The following TMSB15B variants were observed in gnomAD, a reference collection of about 807,000 sequenced individuals.
TMSB15B encodes the protein thymosin beta 15B, also known as thymosin beta-15B.
intron 1 of TMSB15B, among the ~76,000 whole-genome samples, chrX:103,930,460 C>T (rs1556319741): frequency 9.0e-6 from 1 of 110,942 alleles, no homozygotes; most frequent in Non-Finnish European, 1.9e-5. Context: ...TTCTTCAATA[C>T]CTCCCACTAG....
intron 1 of TMSB15B, among the ~76,000 whole-genome samples, chrX:103,943,928 C>T (rs2075018757): frequency 8.9e-6 from 1 of 111,946 alleles, no homozygotes; most frequent in East Asian, 2.8e-4. Flanking sequence ...TACTTATCAA[C>T]CTTGATGTAA....
chrX:103,944,816 C>T (rs782054314), intron 1 of TMSB15B, among the ~76,000 whole-genome samples: 16 of 111,847 alleles, frequency 1.4e-4, no homozygotes, highest in Non-Finnish European at 2.3e-4. Context: ...TTTTTTGAGA[C>T]GGAGCCTCTC....
chrX:103,955,177 A>C (rs1310995536), intron 1 of TMSB15B, among the ~76,000 whole-genome samples: 2 of 111,662 alleles, frequency 1.8e-5, no homozygotes, highest in African/African-American at 3.3e-5. Context: ...AGTTGAAGGT[A>C]GGTAAGCCCA....
intron 1 of TMSB15B, among the ~76,000 whole-genome samples, chrX:103,922,965 G>A (rs1411364277): frequency 9.8e-5 from 11 of 112,469 alleles, no homozygotes; most frequent in Admixed American, 3.7e-4. Flanking sequence ...CAGTGATGAT[G>A]AGCATTTTTT....
At chrX:103,938,389 A>G (rs2075004343) in intron 1 of TMSB15B, among the ~76,000 whole-genome samples, 1 of 111,913 alleles carries the variant, frequency 8.9e-6, no homozygotes, top group African/African-American at 3.2e-5. Context: ...TTCTTGTTGC[A>G]TTGATCCCTT....
chrX:103,941,026 C>T (rs1344868473), intron 1 of TMSB15B, among the ~76,000 whole-genome samples: 1 of 111,188 alleles, frequency 9.0e-6, no homozygotes, highest in Non-Finnish European at 1.9e-5. Context: ...TCTGCTCGCC[C>T]TCCGTGGGCT....
chrX:103,920,125 A>G (rs62594675), intron 1 of TMSB15B, among the ~76,000 whole-genome samples: 15,114 of 111,724 alleles, frequency 0.14, 975 homozygotes, highest in Admixed American at 0.22. Flanking sequence ...TTATAAAAGC[A>G]ACATAATTTC....
intron 1 of TMSB15B, among the ~76,000 whole-genome samples, chrX:103,948,574 A>G (rs1187266095): frequency 1.8e-5 from 2 of 112,757 alleles, no homozygotes; most frequent in Non-Finnish European, 3.7e-5. Flanking sequence ...GAATATTCAT[A>G]TAACAGAATA....
chrX:103,936,942 T>A (rs1244126127), intron 1 of TMSB15B, among the ~76,000 whole-genome samples: 1 of 110,586 alleles, frequency 9.0e-6, no homozygotes, highest in East Asian at 2.8e-4. Flanking sequence ...TATGTGATGG[T>A]TCTGTTTATG....
intron 1 of TMSB15B, among the ~76,000 whole-genome samples, chrX:103,939,363 T>C (rs1285477512): frequency 9.1e-6 from 1 of 110,379 alleles, no homozygotes; most frequent in African/African-American, 3.3e-5. Flanking sequence ...CCTTTCATTC[T>C]TTTTTCTCTA....
chrX:103,946,688 G>A (rs193141388), intron 1 of TMSB15B, among the ~76,000 whole-genome samples: 29 of 111,294 alleles, frequency 2.6e-4, no homozygotes, highest in African/African-American at 9.4e-4. Context: ...TAATAAATGT[G>A]ATTGGACAGT....
intron 1 of TMSB15B, among the ~76,000 whole-genome samples, chrX:103,930,762 AT>A (rs2074982917): frequency 2.9e-4 from 31 of 106,948 alleles, no homozygotes; most frequent in African/African-American, 3.8e-4. Flanking sequence ...AATAATAATA[AT>A]AATAAATTAC....
At chrX:103,942,548 G>A (rs1438478960) in intron 1 of TMSB15B, among the ~76,000 whole-genome samples, 2 of 111,488 alleles carry the variant, frequency 1.8e-5, no homozygotes, top group African/African-American at 6.5e-5. Context: ...TATCTGATAG[G>A]GGAAGTCTTC....
At chrX:103,936,097 C>T (rs1193544344) in intron 1 of TMSB15B, among the ~76,000 whole-genome samples, 8 of 111,007 alleles carry the variant, frequency 7.2e-5, no homozygotes, top group South Asian at 7.7e-4. Context: ...CCACCTGCCT[C>T]GGCCTCCCAA....
At chrX:103,936,561 G>T (rs1404603078) in intron 1 of TMSB15B, among the ~76,000 whole-genome samples, 2 of 111,864 alleles carry the variant, frequency 1.8e-5, no homozygotes, top group Non-Finnish European at 3.8e-5. Flanking sequence ...AGACCATGGG[G>T]TTTCTAAATA....
intron 1 of TMSB15B, among the ~76,000 whole-genome samples, chrX:103,935,359 G>T (rs1266879925): frequency 8.9e-6 from 1 of 111,822 alleles, no homozygotes; most frequent in Non-Finnish European, 1.9e-5. Context: ...GATCCCATTT[G>T]TCAATTTTGG....
chrX:103,949,675 A>G (rs1454054115), intron 1 of TMSB15B, among the ~76,000 whole-genome samples: 1 of 112,171 alleles, frequency 8.9e-6, no homozygotes, highest in African/African-American at 3.2e-5. Context: ...TTTGAGTTTG[A>G]AATGCCCAAT....
chrX:103,923,843 G>T (rs1444012433), intron 1 of TMSB15B, among the ~76,000 whole-genome samples: 26 of 111,492 alleles, frequency 2.3e-4, no homozygotes, highest in South Asian at 3.8e-4. Flanking sequence ...GAGCATGGAA[G>T]GTTCTTCCAT....
chrX:103,949,397 C>T (rs1556327944), intron 1 of TMSB15B, among the ~76,000 whole-genome samples: 1 of 112,156 alleles, frequency 8.9e-6, no homozygotes, highest in Non-Finnish European at 1.9e-5. Flanking sequence ...TGTTAGAAAG[C>T]TGTTGTAGTT....
Sources: gnomAD v4.1 joint callset for allele counts (sites outside exome capture counted in the v4.1 genomes callset) on GRCh38, gnomAD v4.1.1 for gene constraint, MANE v1.5 for transcripts, NCBI Gene and HGNC (gene_info 2026-07-23, HGNC 2026-07-21) for gene names.